RABL6: variants seen among roughly 807,000 people sequenced by gnomAD.
The protein encoded by RABL6 is RAB, member RAS oncogene family like 6.
RABL6 carries 28 observed loss-of-function variants against 72.9 expected under a neutral mutation model. The ratio of observed to expected loss-of-function variants is 0.38; its 90% CI spans 0.28 to 0.53. The LOEUF is 0.53. Ranked by LOEUF, RABL6 falls within the 20% of genes least tolerant of loss-of-function variation. The pLI is 0.80. For synonymous variants in RABL6, 477 were observed against 421.2 expected, an observed-to-expected ratio of 1.13 and a Z score of -1.62; for missense variants, 1,029 against 1,008.4, an observed-to-expected ratio of 1.02 and a Z score of -0.28.
In RABL6 at chr9:136,839,337, A is replaced by G. The variant is rs1165479292; in HGVS notation, c.1609A>G (p.Arg537Gly). 66 of 1,612,526 alleles carry G rather than the reference A, an allele frequency of 4.1e-5. No homozygotes were observed. Among genetic ancestry groups the G allele is most frequent in the Non-Finnish European group, 5.4e-5 (64 of 1,179,776 alleles). Residue 537 changes from arginine to glycine, a missense_variant, in exon 12 of 15, where the codon AGG becomes GGG. By Grantham distance (125) the Arg-to-Gly change is moderately radical. This residue lies in a region of RABL6 where 595 missense variants were observed against 472.4 expected (regional missense o/e 1.26). Transcript: ENST00000311502. ...AGGTCCGGAGAAGCGCAGCAGCACC[A>G]GGCCCCCTGCTGAGATGGAGCCGGG... is the stretch of plus-strand genomic sequence containing the variant. ...RTGPEKRSST[R>G]PPAEMEPGKG...
rs753245933 is a variant in RABL6, at chr9:136,840,549, G to T, written c.*27G>T. The T allele has an allele frequency of 6.6e-5, 102 of 1,546,260 alleles. No individual in the cohort carries two copies. The highest frequency in any genetic ancestry group is 8.6e-5 in the Non-Finnish European group (98 of 1,146,034). On this transcript the variant is annotated 3_prime_UTR_variant, in exon 15 of 15. Coordinates refer to ENST00000311502, the MANE Select transcript of RABL6 (RefSeq NM_024718.5). ...CCGGCGTGGGCAGTGGCCGCCCTGG[G>T]GCGGGGGGCGTGCCTGTCACTGCCT...
chr9:136,823,932 G>A (rs989055707), intron 2 of RABL6, among the ~76,000 whole-genome samples: 6 of 152,340 alleles, frequency 3.9e-5, no homozygotes, highest in African/African-American at 1.4e-4. Context: ...GGCGCCTCGG[G>A]GGCTGAAAAG....
chr9:136,840,321 G>A lies in RABL6; in HGVS notation c.1990-1G>A. The A allele has an allele frequency of 6.3e-7, 1 of 1,589,284 alleles. No individual in the cohort carries two copies. The highest frequency in any genetic ancestry group is 8.6e-7 in the Non-Finnish European group (1 of 1,168,296). Reference sequence around the variant, plus strand: ...TGGCGCCCCATCCTTGTGCTCCTCAGGAAGAAGAAAAAGCTGCCAAGAAGA... The same window carrying A: ...TGGCGCCCCATCCTTGTGCTCCTCAAGAAGAAGAAAAAGCTGCCAAGAAGA... On this transcript the variant is annotated splice_acceptor_variant, in intron 14 of 14. Coordinates refer to ENST00000311502, the MANE Select transcript of RABL6 (RefSeq NM_024718.5). LOFTEE classifies it high-confidence loss of function.
chr9:136,831,588 A>T lies in RABL6; in HGVS notation c.459-133A>T, dbSNP rs543411989. ...CCCTCTAGCTCTGCATGCACGAGGC[A>T]TGCTTCTGCTGGGTTGGATGTTGGA... On this transcript the variant is annotated intron_variant, in intron 5 of 14. Coordinates refer to ENST00000311502, the MANE Select transcript of RABL6 (RefSeq NM_024718.5). The T allele has an allele frequency of 9.2e-5, 121 of 1,314,234 alleles. 1 individual carries two copies. The East Asian group carries it at 2.5e-3, about 27-fold the overall frequency. The allele number at this position is 1,314,234 out of a possible 1,614,324, so 81.4% of individuals were successfully genotyped here. A position where few individuals can be genotyped will look rare whatever the true frequency, so the allele number is the denominator to read the frequency against.
intron 1 of RABL6, chr9:136,815,445 T>C: frequency 3.5e-6 from 1 of 287,460 alleles, no homozygotes; most frequent in Non-Finnish European, 6.8e-6. Flanking sequence ...TTCTGACATT[T>C]CCTCATCTTC....
chr9:136,815,709 C>T (rs912910091), intron 1 of RABL6, among the ~76,000 whole-genome samples: 1 of 152,162 alleles, frequency 6.6e-6, no homozygotes, highest in Non-Finnish European at 1.5e-5. Flanking sequence ...GGAGTTAAAC[C>T]TTCATGCATC....
In RABL6 at chr9:136,839,439, G is replaced by T. The variant is rs752104982; in HGVS notation, c.1711G>T (p.Asp571Tyr). 1 of 1,612,606 alleles carries T rather than the reference G, an allele frequency of 6.2e-7. No individual in the cohort carries two copies. The highest frequency in any genetic ancestry group is 8.5e-7 in the Non-Finnish European group (1 of 1,179,734). ...IAAQMLSFVM[D>Y]DPDFESEGSD... ...TGCACAAATGCTGTCCTTCGTCATG[G>T]ATGACCCCGACTTTGAGAGCGAGGG... The change falls in exon 12 of 15, where the codon GAT becomes TAT. Residue 571 changes from aspartate (D) to tyrosine (Y), a missense_variant. Physicochemically the swap from Asp to Tyr is radical, Grantham distance 160. Around this residue, in one of 2 missense-constraint regions of RABL6, gnomAD observed 595 missense variants for 472.4 expected, o/e 1.26. Transcript: ENST00000311502.
chr9:136,832,474 T>C lies in RABL6; in HGVS notation c.705+104T>C, dbSNP rs777905922. On this transcript the variant is annotated intron_variant, in intron 7 of 14. Coordinates refer to ENST00000311502, the MANE Select transcript of RABL6 (RefSeq NM_024718.5). ...TCCCTCCTAACCCCTGAGAAAGCTG[T>C]GGACCTGCTCGGAGATTGGCTGCTG... 1.8e-5 allele frequency: 17 copies of C among 970,536 alleles called. No individual in the cohort carries two copies. The South Asian group carries it at 2.0e-4, about 11-fold the overall frequency. 60.1% of individuals were successfully genotyped at this position (970,536 alleles called of 1,614,324 possible).
At chr9:136,821,989 G>T in intron 1 of RABL6, 1 of 1,289,750 alleles carries the variant, frequency 7.8e-7, no homozygotes, top group South Asian at 1.2e-5. Context: ...AAGTTGGCGC[G>T]TTGAGGTACC....
At chr9:136,821,675 G>T (rs1848240707) in intron 1 of RABL6, 1 of 995,640 alleles carries the variant, frequency 1.0e-6, no homozygotes. Flanking sequence ...CCGCGCTGGG[G>T]CCTGGCTCCC....
intron 5 of RABL6, among the ~76,000 whole-genome samples, chr9:136,830,773 G>T (rs1848456249): frequency 6.6e-6 from 1 of 152,268 alleles, no homozygotes; most frequent in Non-Finnish European, 1.5e-5. Context: ...AGCCTGAGAA[G>T]ACGCGGCAAA....
intron 1 of RABL6, chr9:136,821,639 C>T: frequency 2.0e-6 from 2 of 988,096 alleles, no homozygotes; most frequent in Non-Finnish European, 2.4e-6. Context: ...GGAGGGAGGG[C>T]GCCGCGGCCC....
intron 1 of RABL6, among the ~76,000 whole-genome samples, chr9:136,819,694 C>G (rs141438678): frequency 1.1e-4 from 17 of 152,206 alleles, no homozygotes; most frequent in African/African-American, 3.9e-4. Context: ...TGAAAGAGAG[C>G]GGGTAGAAAT....
chr9:136,834,225 T>C (rs1024900065), intron 7 of RABL6: 79 of 1,197,138 alleles, frequency 6.6e-5, no homozygotes, highest in Middle Eastern at 3.3e-4. Context: ...AAATCAGTTG[T>C]TTTTTTAACC....
intron 1 of RABL6, chr9:136,815,216 G>T: frequency 3.2e-6 from 1 of 312,608 alleles, no homozygotes; most frequent in Non-Finnish European, 6.2e-6. Flanking sequence ...GTCCCTTCTT[G>T]CCAGGAGCTG....
intron 10 of RABL6, 77 bp downstream of exon 10, chr9:136,838,092 T>C: frequency 1.3e-6 from 2 of 1,517,632 alleles, no homozygotes; most frequent in East Asian, 2.5e-5. Context: ...GGGGCTGGCT[T>C]TCTAGGGGCG....
chr9:136,833,933 C>T (rs746176397), intron 7 of RABL6: 1 of 1,549,292 alleles, frequency 6.5e-7, no homozygotes, highest in South Asian at 1.2e-5. Flanking sequence ...AGAGAGCTCC[C>T]CACTGCTCAG....
At chr9:136,827,946 A>G (rs1348850855) in intron 3 of RABL6, 1 of 151,966 alleles carries the variant, frequency 6.6e-6, no homozygotes, top group East Asian at 1.9e-4. Flanking sequence ...GCGGAGGCTC[A>G]GGGGGACCTG....
intron 1 of RABL6, chr9:136,813,605 A>G (rs1848058413): frequency 3.1e-6 from 1 of 318,020 alleles, no homozygotes; most frequent in Non-Finnish European, 6.0e-6. Flanking sequence ...CAATCTCCAC[A>G]GCATCTTCAA....
Sources: allele counts gnomAD v4.1 joint callset (sites outside exome capture counted in the v4.1 genomes callset), GRCh38; gene constraint gnomAD v4.1.1; regional missense constraint gnomAD v4.1.1; transcripts MANE v1.5; gene names NCBI Gene and HGNC (gene_info 2026-07-23, HGNC 2026-07-21).